The following SPTSSA variants were observed in gnomAD, a reference collection of about 807,000 sequenced individuals.
SPTSSA encodes small subunit of serine palmitoyltransferase A.
SPTSSA carries 8 observed loss-of-function variants against 9.1 expected under a neutral mutation model. The ratio of observed to expected loss-of-function variants is 0.88; its 90% CI spans 0.51 to 1.58. The LOEUF (loss-of-function observed/expected upper bound fraction) is 1.58, where lower values mean the gene tolerates loss of function less well. Ranked by LOEUF, SPTSSA falls within the 40% of genes most tolerant of loss-of-function variation. The pLI is 0.00. For missense variants in SPTSSA, 100 were observed against 93.8 expected (o/e 1.07, Z -0.27); for synonymous variants, 42 against 37.7 (o/e 1.11, Z -0.41).
At chr14:34,446,805 A>T (rs778198445) in intron 1 of SPTSSA, among the ~76,000 whole-genome samples, 41 of 152,240 alleles carry the variant, frequency 2.7e-4, no homozygotes, top group Admixed American at 2.4e-3. Context: ...CTCTTGTGAA[A>T]GTTATGCTAA....
Position 34,443,171 on chromosome 14 carries a change from G to GTTTT in SPTSSA, c.113-7871_113-7868dup, listed in dbSNP as rs1555314370. Among the ~76,000 whole-genome samples, 2 of 62,094 alleles carry GTTTT rather than the reference G, an allele frequency of 3.2e-5. 1 individual carries two copies. Among genetic ancestry groups the GTTTT allele is most frequent in the East Asian group, 1.1e-3 (2 of 1,872 alleles). 40.7% of individuals were successfully genotyped at this position (62,094 alleles called of 152,430 possible). On this transcript the variant is annotated intron_variant, in intron 1 of 1. Coordinates refer to ENST00000298130, the MANE Select transcript of SPTSSA (RefSeq NM_138288.4). The stretch of plus-strand genomic sequence containing the variant: ...TGTGTGTGTGTGTGTGTGTGTGTGT[G>GTTTT]TTTTGAGATTGAGTTTTCCTCTAGG...
chr14:34,449,892 G>A (rs1883490503), intron 1 of SPTSSA, among the ~76,000 whole-genome samples: 1 of 152,148 alleles, frequency 6.6e-6, no homozygotes, highest in Non-Finnish European at 1.5e-5. Context: ...TTTGCTATCT[G>A]GTATAGATTT....
intron 1 of SPTSSA, among the ~76,000 whole-genome samples, chr14:34,458,110 T>C (rs1263409874): frequency 6.6e-6 from 1 of 152,070 alleles, no homozygotes; most frequent in Non-Finnish European, 1.5e-5. Flanking sequence ...CTTGACCCAA[T>C]AGATGCTTTT....
chr14:34,453,392 G>A (rs1014880783), intron 1 of SPTSSA, among the ~76,000 whole-genome samples: 1 of 152,222 alleles, frequency 6.6e-6, no homozygotes, highest in African/African-American at 2.4e-5. Context: ...CTCCAGGGTA[G>A]CACAGCTCTC....
chr14:34,461,658 C>T (rs1878616871), intron 1 of SPTSSA, among the ~76,000 whole-genome samples: 1 of 152,182 alleles, frequency 6.6e-6, no homozygotes, highest in South Asian at 2.1e-4. Context: ...CTTGGTAGAC[C>T]CAAAGCCAAC....
At chr14:34,435,555 G>C (rs1326129256) in intron 1 of SPTSSA, among the ~76,000 whole-genome samples, 2 of 149,272 alleles carry the variant, frequency 1.3e-5, no homozygotes, top group African/African-American at 4.9e-5. Flanking sequence ...TATAAAGTAA[G>C]TACTGTTATT....
At chr14:34,440,718 C>A (rs894983362) in intron 1 of SPTSSA, among the ~76,000 whole-genome samples, 3 of 152,016 alleles carry the variant, frequency 2.0e-5, no homozygotes, top group African/African-American at 7.2e-5. Flanking sequence ...CCCATCTCTA[C>A]TAAAAATACA....
Position 34,433,413 on chromosome 14 carries a change from C to T in SPTSSA, c.*1788G>A, listed in dbSNP as rs975613072. 2.6e-5 allele frequency: 4 copies of T among 152,042 alleles called. No individual in the cohort carries two copies. Among genetic ancestry groups the T allele is most frequent in the Non-Finnish European group, 4.4e-5 (3 of 68,016 alleles). The allele number at this position is 152,042 out of a possible 1,614,324, so 9.4% of individuals were successfully genotyped here. On this transcript the variant is annotated 3_prime_UTR_variant, in exon 2 of 2. Transcript: ENST00000298130. ...TCTATGGGGGATAGTAGAGGAAAGC[C>T]AAATTTGGGCATTAATAGAACAAAT...
chr14:34,435,564 T>G (rs1468603179), intron 1 of SPTSSA, among the ~76,000 whole-genome samples: 1 of 152,062 alleles, frequency 6.6e-6, no homozygotes, highest in African/African-American at 2.4e-5. Context: ...AGTACTGTTA[T>G]TCTCCCTGTG....
At chr14:34,455,721 C>G (rs1470288183) in intron 1 of SPTSSA, among the ~76,000 whole-genome samples, 1 of 150,338 alleles carries the variant, frequency 6.7e-6, no homozygotes, top group Non-Finnish European at 1.5e-5. Context: ...CACGTGAGGT[C>G]AGGAGTTCAA....
chr14:34,458,904 C>CTTTTT (rs759940424), intron 1 of SPTSSA, among the ~76,000 whole-genome samples: 25 of 124,062 alleles, frequency 2.0e-4, no homozygotes, highest in South Asian at 2.6e-4. Context: ...GAAATTACAA[C>CTTTTT]TTTTTTTTTT....
At position 34,456,534 on chromosome 14, in the gene SPTSSA, T is replaced by G. The variant is rs546668808; in HGVS notation, c.112+5562A>C. Reference sequence around the variant, plus strand: ...AAAATAACATGCCATGGAAACATCATCAGCAGCAAAGAGATGGGCAAATAT... The same window carrying G: ...AAAATAACATGCCATGGAAACATCAGCAGCAGCAAAGAGATGGGCAAATAT... On this transcript the variant is annotated intron_variant, in intron 1 of 1. Coordinates refer to ENST00000298130, the MANE Select transcript of SPTSSA (RefSeq NM_138288.4). Among the ~76,000 whole-genome samples the G allele has an allele frequency of 7.8e-4, 119 of 152,204 alleles. 3 individuals carry two copies. The South Asian group carries it at 0.02, about 26-fold the overall frequency.
rs1216594583 is a variant in SPTSSA at position 34,462,139 on chromosome 14, G to A, written c.69C>T (p.Val23=). The A allele has an allele frequency of 5.9e-6, 9 of 1,533,210 alleles. No individual in the cohort carries two copies. The highest frequency in any genetic ancestry group is 7.9e-6 in the Non-Finnish European group (9 of 1,136,100). 95.0% of individuals were successfully genotyped at this position (1,533,210 alleles called of 1,614,324 possible). ...AGGGCTCCAGCATGTAGAGCGCCGT[G>A]ACCAGCAGGTACTGGTAGTAGAACC... ...MSWFYYQYLL[V]TALYMLEPWE... Residue 23 remains valine, a synonymous_variant, in exon 1 of 2, where the codon GTC becomes GTT. Transcript: ENST00000298130.
chr14:34,438,668 T>C (rs1233932415), intron 1 of SPTSSA, among the ~76,000 whole-genome samples: 1 of 152,046 alleles, frequency 6.6e-6, no homozygotes, highest in Non-Finnish European at 1.5e-5. Flanking sequence ...GTCTAGAAGG[T>C]TTTTTATTCC....
chr14:34,438,804 T>A (rs1883277571), intron 1 of SPTSSA, among the ~76,000 whole-genome samples: 1 of 152,146 alleles, frequency 6.6e-6, no homozygotes, highest in South Asian at 2.1e-4. Context: ...ATCCTTTACT[T>A]AGATGATAGA....
rs910723415 is a variant in SPTSSA at position 34,443,107 on chromosome 14, G to C, written c.113-7803C>G. 3.6e-4 allele frequency among the ~76,000 whole-genome samples: 45 copies of C among 124,522 alleles called. 1 individual carries two copies. The highest frequency in any genetic ancestry group is 5.2e-3 in the Middle Eastern group (1 of 192). 81.7% of individuals were successfully genotyped at this position (124,522 alleles called of 152,430 possible). On this transcript the variant is annotated intron_variant, in intron 1 of 1. Transcript: ENST00000298130. ...AGCTCACTGCAACCTCTGCCTCCCA[G>C]GTTCAAGCGATTCTCCTGCTTCTAG... is the stretch of plus-strand genomic sequence containing the variant.
chr14:34,452,201 G>A (rs2003043), intron 1 of SPTSSA, among the ~76,000 whole-genome samples: 18,478 of 147,108 alleles, frequency 0.13, 1,271 homozygotes, highest in Middle Eastern at 0.23. Context: ...AGCCAAGATC[G>A]CGCCACTGCA....
At chr14:34,460,352 GA>G (rs1010852178) in intron 1 of SPTSSA, among the ~76,000 whole-genome samples, 2 of 150,130 alleles carry the variant, frequency 1.3e-5, no homozygotes, top group African/African-American at 4.9e-5. Context: ...TCACCTATTT[GA>G]AAAAAAAATT....
At position 34,444,331 on chromosome 14, in the gene SPTSSA, T is replaced by C. The variant is rs1397936634; in HGVS notation, c.113-9027A>G. Among the ~76,000 whole-genome samples, 10 of 152,360 alleles carry C rather than the reference T, an allele frequency of 6.6e-5. No homozygotes were observed. The East Asian group carries it at 1.9e-3, about 29-fold the overall frequency. On this transcript the variant is annotated intron_variant, in intron 1 of 1. Coordinates refer to ENST00000298130, the MANE Select transcript of SPTSSA (RefSeq NM_138288.4). The stretch of plus-strand genomic sequence containing the variant: ...CTGCTTCCTTGGCTTTTGAAAATTG[T>C]TTAACTTGCCTGCCTTCCAGCTAGG...
Sources: allele counts gnomAD v4.1 joint callset (sites outside exome capture counted in the v4.1 genomes callset), GRCh38; gene constraint gnomAD v4.1.1; transcripts MANE v1.5; gene names NCBI Gene and HGNC (gene_info 2026-07-23, HGNC 2026-07-21).